Variants in LUZP2 observed in about 807,000 individuals in gnomAD.
LUZP2 encodes leucine zipper protein 2.
A neutral mutation model predicts 51.6 loss-of-function variants in LUZP2; 52 were observed. The ratio of observed to expected loss-of-function variants is 1.01; its 90% CI spans 0.81 to 1.27. LUZP2 has a LOEUF of 1.27. Among genes scored for constraint, LUZP2 ranks in the 50% most tolerant of loss-of-function variants. The pLI, the probability that LUZP2 is intolerant of heterozygous loss-of-function variation, is 0.00. For missense variants in LUZP2, 436 were observed against 395.4 expected (o/e 1.10, Z -0.87); for synonymous variants, 154 against 137.3 (o/e 1.12, Z -0.85).
intron 5 of LUZP2, among the ~76,000 whole-genome samples, chr11:24,768,756 T>C (rs377442540): frequency 8.3e-6 from 1 of 120,570 alleles, no homozygotes; most frequent in Non-Finnish European, 1.9e-5. Flanking sequence ...AAGTAAGGAA[T>C]GCTGGCAAGG....
intron 9 of LUZP2, among the ~76,000 whole-genome samples, chr11:25,021,682 AT>A (rs1382801763): frequency 5.9e-5 from 9 of 152,076 alleles, no homozygotes. Flanking sequence ...TGTTAACTGA[AT>A]GTGGAAGGGA....
intron 5 of LUZP2, among the ~76,000 whole-genome samples, chr11:24,903,757 G>A (rs1222653023): frequency 6.6e-6 from 1 of 152,154 alleles, no homozygotes; most frequent in African/African-American, 2.4e-5. Flanking sequence ...AAAAGCCTGA[G>A]TGCAATAAGC....
chr11:25,048,501 C>A (rs966328806), intron 9 of LUZP2, among the ~76,000 whole-genome samples: 5 of 152,150 alleles, frequency 3.3e-5, no homozygotes, highest in Non-Finnish European at 5.9e-5. Context: ...CAAATGCTAC[C>A]TTTGTCATCT....
At chr11:24,819,890 T>G (rs913756199) in intron 5 of LUZP2, among the ~76,000 whole-genome samples, 2 of 152,118 alleles carry the variant, frequency 1.3e-5, no homozygotes, top group Admixed American at 1.3e-4. Flanking sequence ...CAAAAGACAC[T>G]AGGCACAGAA....
At chr11:24,574,355 C>T (rs1466273308) in intron 1 of LUZP2, among the ~76,000 whole-genome samples, 4 of 139,974 alleles carry the variant, frequency 2.9e-5, no homozygotes, top group South Asian at 2.4e-4. Context: ...CCTTTCCTCC[C>T]TCCCTCCCTC....
intron 5 of LUZP2, among the ~76,000 whole-genome samples, chr11:24,779,818 A>C (rs1849035694): frequency 6.6e-6 from 1 of 151,908 alleles, no homozygotes; most frequent in African/African-American, 2.4e-5. Flanking sequence ...AGAGAAAGGC[A>C]GAGAGAGATT....
chr11:24,619,118 T>C (rs920878297), intron 1 of LUZP2, among the ~76,000 whole-genome samples: 5 of 152,048 alleles, frequency 3.3e-5, no homozygotes, highest in Admixed American at 1.3e-4. Context: ...AACCTCAAAC[T>C]CCTGGGCTCA....
At chr11:24,526,312 A>G (rs1161371138) in intron 1 of LUZP2, among the ~76,000 whole-genome samples, 1 of 151,224 alleles carries the variant, frequency 6.6e-6, no homozygotes, top group Non-Finnish European at 1.5e-5. Flanking sequence ...GGTACTGACA[A>G]AGCATATCTA....
At chr11:24,831,159 C>T (rs1049882774) in intron 5 of LUZP2, among the ~76,000 whole-genome samples, 19 of 152,176 alleles carry the variant, frequency 1.2e-4, no homozygotes, top group Admixed American at 7.9e-4. Context: ...TATCGTATTA[C>T]GTTGACCTTG....
At chr11:24,723,557 G>A (rs557148018) in intron 1 of LUZP2, among the ~76,000 whole-genome samples, 185 of 152,274 alleles carry the variant, frequency 1.2e-3, no homozygotes, top group African/African-American at 3.9e-3. Flanking sequence ...TGGACACGGC[G>A]GCCCATGCCT....
At chr11:25,047,994 G>T (rs1858370898) in intron 9 of LUZP2, among the ~76,000 whole-genome samples, 1 of 151,712 alleles carries the variant, frequency 6.6e-6, no homozygotes, top group East Asian at 1.9e-4. Context: ...AAAAATTGTA[G>T]CGACAGGAGA....
At chr11:24,647,221 A>G (rs551923220) in intron 1 of LUZP2, among the ~76,000 whole-genome samples, 1 of 152,118 alleles carries the variant, frequency 6.6e-6, no homozygotes, top group South Asian at 2.1e-4. Flanking sequence ...ACATTATTCA[A>G]TTAATTTAGC....
chr11:24,857,735 TTA>T (rs1298194244), intron 5 of LUZP2, among the ~76,000 whole-genome samples: 2 of 151,992 alleles, frequency 1.3e-5, no homozygotes, highest in Non-Finnish European at 2.9e-5. Context: ...AGCAGGTTTT[TTA>T]TCTTTTAAAG....
intron 7 of LUZP2, among the ~76,000 whole-genome samples, chr11:24,966,848 G>A (rs1480790114): frequency 2.8e-5 from 4 of 144,594 alleles, no homozygotes; most frequent in African/African-American, 1.0e-4. Context: ...TTATATAATG[G>A]ATATATACAT....
chr11:24,606,248 G>T (rs1853913846), intron 1 of LUZP2, among the ~76,000 whole-genome samples: 1 of 151,776 alleles, frequency 6.6e-6, no homozygotes, highest in African/African-American at 2.4e-5. Context: ...TACTGCAAAA[G>T]CAATGCACAT....
rs147942400 is a variant in LUZP2, at chr11:24,625,114, T to G, written c.63-104055T>G. 1.5e-3 allele frequency among the ~76,000 whole-genome samples: 223 copies of G among 152,066 alleles called. 1 individual carries two copies. In the Middle Eastern group the frequency reaches 0.017, roughly 12 times the overall value. ...AAAGACAAATACTGCATAACCTCAC[T>G]TATACATGAAAATTAAAATAATTAA... On this transcript the variant is annotated intron_variant, in intron 1 of 11. Coordinates refer to ENST00000336930, the MANE Select transcript of LUZP2 (RefSeq NM_001009909.4).
At chr11:24,948,197 C>T (rs962471811) in intron 7 of LUZP2, among the ~76,000 whole-genome samples, 3 of 151,410 alleles carry the variant, frequency 2.0e-5, no homozygotes, top group East Asian at 3.9e-4. Flanking sequence ...ACAAATATAG[C>T]GTTGAGCATC....
chr11:24,738,060 G>C (rs1019925165), intron 3 of LUZP2, among the ~76,000 whole-genome samples, 161 bp from the exon 4 acceptor site: 2 of 152,002 alleles, frequency 1.3e-5, no homozygotes, highest in African/African-American at 4.8e-5. Context: ...TTTATTACCA[G>C]AATCTTTAGA....
chr11:24,912,747 T>C (rs1024946725), intron 6 of LUZP2, among the ~76,000 whole-genome samples: 1 of 151,988 alleles, frequency 6.6e-6, no homozygotes, highest in Non-Finnish European at 1.5e-5. Context: ...GAGGCGGAGG[T>C]TGCAGTGAGC....
Sources: gnomAD v4.1 joint callset for allele counts (sites outside exome capture counted in the v4.1 genomes callset) on GRCh38, gnomAD v4.1.1 for gene constraint, MANE v1.5 for transcripts, NCBI Gene and HGNC (gene_info 2026-07-23, HGNC 2026-07-21) for gene names.